KCNIP3: variants seen among roughly 807,000 people sequenced by gnomAD.
The protein encoded by KCNIP3 is potassium voltage-gated channel interacting protein 3.
A neutral mutation model predicts 35.0 loss-of-function variants in KCNIP3; 28 were observed. The ratio of observed to expected loss-of-function variants is 0.80; its 90% CI spans 0.59 to 1.10. The LOEUF is 1.10. KCNIP3 is among the 50% of genes least tolerant of loss of function. KCNIP3 has a pLI of 0.00. For synonymous variants in KCNIP3, 134 were observed against 133.8 expected, an observed-to-expected ratio of 1.00 and a Z score of -0.01; for missense variants, 295 against 338.4, an observed-to-expected ratio of 0.87 and a Z score of 1.01.
chr2:95,302,191 G>C (rs1678052437), intron 1 of KCNIP3, among the ~76,000 whole-genome samples: 1 of 152,034 alleles, frequency 6.6e-6, no homozygotes, highest in Non-Finnish European at 1.5e-5. Flanking sequence ...GGACAGGGTG[G>C]GGGGTGGGGA....
chr2:95,310,371 C>T lies in KCNIP3; in HGVS notation c.32C>T (p.Ser11Leu), dbSNP rs149504046. 321 of 1,611,708 alleles carry T rather than the reference C, an allele frequency of 2.0e-4. No individual in the cohort carries two copies. The highest frequency in any genetic ancestry group is 8.3e-4 in the Middle Eastern group (5 of 6,048). The stretch of plus-strand genomic sequence containing the variant: ...CTACTGCAGGAAGTGACAAAGGCGT[C>T]GGACGGCAGCCTCCTGGGGGACCTC... MQPAKEVTKA[S>L]DGSLLGDLGH... The change falls in exon 2 of 9, where the codon TCG (serine) becomes TTG (leucine). Residue 11 changes from serine (S) to leucine (L), a missense_variant. By Grantham distance (145) the Ser-to-Leu change is moderately radical (BLOSUM62 -2). Transcript: ENST00000295225.
chr2:95,362,797 G>C (rs188718689), intron 2 of KCNIP3, among the ~76,000 whole-genome samples: 10 of 152,302 alleles, frequency 6.6e-5, no homozygotes, highest in African/African-American at 2.2e-4. Context: ...ACTAGTACTG[G>C]TCCTCGGCCC....
At chr2:95,336,179 C>T (rs1424791826) in intron 2 of KCNIP3, among the ~76,000 whole-genome samples, 1 of 152,192 alleles carries the variant, frequency 6.6e-6, no homozygotes, top group Non-Finnish European at 1.5e-5. Flanking sequence ...CCAGTTTGTT[C>T]TCACTTTATC....
intron 2 of KCNIP3, among the ~76,000 whole-genome samples, chr2:95,350,158 G>A (rs1679477951): frequency 6.6e-6 from 1 of 152,172 alleles, no homozygotes; most frequent in South Asian, 2.1e-4. Flanking sequence ...GGTGTTGGTG[G>A]GCCCCGGCAG....
intron 1 of KCNIP3, among the ~76,000 whole-genome samples, chr2:95,301,345 G>C (rs1274285716): frequency 6.6e-6 from 1 of 152,260 alleles, no homozygotes; most frequent in Non-Finnish European, 1.5e-5. Context: ...GATCCTCACT[G>C]TGCGGGACTA....
At chr2:95,310,190 G>A (rs1678273587) in intron 1 of KCNIP3, 165 bp from the exon 2 acceptor site, 1 of 794,974 alleles carries the variant, frequency 1.3e-6, no homozygotes, top group Non-Finnish European at 2.2e-6. Flanking sequence ...CCCCAGGTCT[G>A]GCAGGAATGG....
chr2:95,326,065 TCACTCATACTAACA>T (rs1678768198), intron 2 of KCNIP3, among the ~76,000 whole-genome samples: 1 of 145,838 alleles, frequency 6.9e-6, no homozygotes, highest in East Asian at 2.1e-4. Context: ...ACATACACAT[TCACTCATACTAACA>T]CACTCATATA....
chr2:95,317,685 C>G lies in KCNIP3; in HGVS notation c.181+7165C>G, dbSNP rs182689730. On this transcript the variant is annotated intron_variant, in intron 2 of 8. Transcript: ENST00000295225. ...TGAGAGACAGAGACAGACAGACAGA[C>G]CAGGAGTGGGGAGTCCTAGAAAAAG... Among the ~76,000 whole-genome samples, 394 of 152,256 alleles carry G rather than the reference C, an allele frequency of 2.6e-3. 1 individual carries two copies. Among genetic ancestry groups the G allele is most frequent in the Non-Finnish European group, 3.9e-3 (265 of 68,006 alleles).
intron 2 of KCNIP3, among the ~76,000 whole-genome samples, chr2:95,371,287 T>A (rs1680036126): frequency 6.6e-6 from 1 of 152,260 alleles, no homozygotes; most frequent in South Asian, 2.1e-4. Context: ...CTCTGTTTTT[T>A]TAATCATTCA....
chr2:95,345,280 A>G (rs1255393220), intron 2 of KCNIP3, among the ~76,000 whole-genome samples: 1 of 152,190 alleles, frequency 6.6e-6, no homozygotes, highest in African/African-American at 2.4e-5. Context: ...CCCCTCACGT[A>G]ATTAGCCCTC....
At chr2:95,308,076 A>C (rs1178909894) in intron 1 of KCNIP3, among the ~76,000 whole-genome samples, 1 of 152,050 alleles carries the variant, frequency 6.6e-6, no homozygotes, top group Non-Finnish European at 1.5e-5. Context: ...GTGTGTGCAT[A>C]TGAACATGTG....
intron 2 of KCNIP3, among the ~76,000 whole-genome samples, chr2:95,315,457 A>C (rs1183697466): frequency 2.6e-5 from 4 of 152,138 alleles, no homozygotes; most frequent in African/African-American, 4.8e-5. Context: ...GCACTTGTGA[A>C]GCACTTGCTG....
chr2:95,316,874 G>A (rs1678472106), intron 2 of KCNIP3, among the ~76,000 whole-genome samples: 1 of 152,214 alleles, frequency 6.6e-6, no homozygotes. Context: ...ATGACTGAAG[G>A]CACTCACTGG....
At chr2:95,328,492 G>T (rs1470331511) in intron 2 of KCNIP3, among the ~76,000 whole-genome samples, 1 of 152,246 alleles carries the variant, frequency 6.6e-6, no homozygotes, top group East Asian at 1.9e-4. Context: ...TCCAAGCACT[G>T]ATCTCACAAA....
At chr2:95,318,299 A>T (rs1678508119) in intron 2 of KCNIP3, among the ~76,000 whole-genome samples, 1 of 152,148 alleles carries the variant, frequency 6.6e-6, no homozygotes, top group Non-Finnish European at 1.5e-5. Context: ...CCTCCTGTGC[A>T]CACTGACTCG....
intron 1 of KCNIP3, among the ~76,000 whole-genome samples, chr2:95,306,963 C>T (rs1678193031): frequency 6.6e-6 from 1 of 152,252 alleles, no homozygotes; most frequent in Non-Finnish European, 1.5e-5. Context: ...CCTCCCGCCT[C>T]CCCAGCAGCC....
chr2:95,304,653 G>A (rs1270673163), intron 1 of KCNIP3, among the ~76,000 whole-genome samples: 3 of 152,226 alleles, frequency 2.0e-5, no homozygotes, highest in Non-Finnish European at 2.9e-5. Context: ...ATCCATTACC[G>A]GATTTGGGGC....
At chr2:95,323,748 G>T (rs545843098) in intron 2 of KCNIP3, among the ~76,000 whole-genome samples, 2 of 151,948 alleles carry the variant, frequency 1.3e-5, no homozygotes, top group African/African-American at 2.4e-5. Context: ...GCTAAGCCCC[G>T]GACAGGCTGG....
intron 2 of KCNIP3, among the ~76,000 whole-genome samples, chr2:95,327,331 C>A (rs1057210004): frequency 6.6e-6 from 1 of 152,138 alleles, no homozygotes; most frequent in Non-Finnish European, 1.5e-5. Flanking sequence ...GCTGAGGCCA[C>A]CCTACCTGCT....
Sources: allele counts gnomAD v4.1 joint callset (sites outside exome capture counted in the v4.1 genomes callset), GRCh38; gene constraint gnomAD v4.1.1; transcripts MANE v1.5; gene names NCBI Gene and HGNC (gene_info 2026-07-23, HGNC 2026-07-21).